The following DGKI variants were observed in gnomAD, a reference collection of about 807,000 sequenced individuals.
DGKI encodes the protein diacylglycerol kinase iota.
In DGKI, 55 loss-of-function variants were observed where a neutral mutation model predicts 147.5. The observed-to-expected ratio is 0.37, with a 90% CI of 0.30 to 0.47. The LOEUF is 0.47. Among genes scored for constraint, DGKI ranks in the 20% least tolerant of loss-of-function variants. The pLI, the probability that DGKI is intolerant of heterozygous loss-of-function variation, is 1.00. For synonymous variants in DGKI, 469 were observed against 477.1 expected (o/e 0.98, Z 0.22); for missense variants, 1,007 against 1,323.8 (o/e 0.76, Z 3.71).
intron 1 of DGKI, among the ~76,000 whole-genome samples, chr7:137,803,762 G>A (rs1797282717): frequency 6.6e-6 from 1 of 152,174 alleles, no homozygotes; most frequent in African/African-American, 2.4e-5. Flanking sequence ...TATTAAGTAA[G>A]TGTGTATCAA....
intron 6 of DGKI, among the ~76,000 whole-genome samples, chr7:137,625,495 T>G (rs1021190827): frequency 1.3e-5 from 2 of 151,154 alleles, no homozygotes; most frequent in Admixed American, 1.3e-4. Context: ...TAAAAAAAAA[T>G]AAAGAAAGGC....
intron 30 of DGKI, among the ~76,000 whole-genome samples, chr7:137,403,587 C>T (rs1811841503): frequency 6.6e-6 from 1 of 152,106 alleles, no homozygotes; most frequent in African/African-American, 2.4e-5. Flanking sequence ...GAAGTGTCAA[C>T]TCAAGAGCCA....
chr7:137,449,277 C>CA (rs1459436855), intron 27 of DGKI, among the ~76,000 whole-genome samples: 1 of 152,032 alleles, frequency 6.6e-6, no homozygotes, highest in Non-Finnish European at 1.5e-5. Context: ...ATGACACTGG[C>CA]ATAAAAACAG....
chr7:137,720,912 G>C (rs1420750322), intron 1 of DGKI, among the ~76,000 whole-genome samples: 2 of 152,136 alleles, frequency 1.3e-5, no homozygotes, highest in Admixed American at 6.5e-5. Flanking sequence ...CTACCCTAGA[G>C]GCAGCCCTGT....
At chr7:137,679,423 C>A (rs182788956) in intron 2 of DGKI, among the ~76,000 whole-genome samples, 29 of 147,222 alleles carry the variant, frequency 2.0e-4, no homozygotes, top group Non-Finnish European at 3.3e-4. Context: ...TTTTTTTAAT[C>A]GTACGATGAA....
intron 21 of DGKI, among the ~76,000 whole-genome samples, chr7:137,503,157 T>C (rs1236933926): frequency 6.6e-6 from 1 of 152,174 alleles, no homozygotes; most frequent in East Asian, 1.9e-4. Context: ...CTCAAGCTTA[T>C]CAAAACTGCT....
At chr7:137,626,139 G>T (rs1409624340) in intron 6 of DGKI, among the ~76,000 whole-genome samples, 1 of 152,082 alleles carries the variant, frequency 6.6e-6, no homozygotes, top group African/African-American at 2.4e-5. Context: ...GCATCCTTGT[G>T]TTGTAATAAA....
At chr7:137,736,870 T>G (rs1278804838) in intron 1 of DGKI, among the ~76,000 whole-genome samples, 4 of 152,078 alleles carry the variant, frequency 2.6e-5, no homozygotes, top group African/African-American at 9.7e-5. Context: ...CAGATCACAG[T>G]AAGAGATAAG....
At chr7:137,524,094 T>G (rs1291167737) in intron 20 of DGKI, among the ~76,000 whole-genome samples, 1 of 146,366 alleles carries the variant, frequency 6.8e-6, no homozygotes, top group Non-Finnish European at 1.5e-5. Flanking sequence ...TCTTTCTTTA[T>G]CAATAAACAA....
intron 20 of DGKI, among the ~76,000 whole-genome samples, chr7:137,545,259 A>C (rs1449319320): frequency 6.6e-6 from 1 of 152,244 alleles, no homozygotes; most frequent in Non-Finnish European, 1.5e-5. Context: ...AGGTAAGCAT[A>C]TGTGATATGG....
rs529291035 is a variant in DGKI, at chr7:137,443,057, C to T, written c.2761+1020G>A. On this transcript the variant is annotated intron_variant, in intron 28 of 32. Coordinates refer to ENST00000614521, the MANE Select transcript of DGKI (RefSeq NM_001321708.2). ...GAGATGGCAGAAAAGATGGTGAGCT[C>T]CAGAAATTTGATGTAGAATTAGATG... 4.1e-4 allele frequency among the ~76,000 whole-genome samples: 62 copies of T among 152,026 alleles called. 1 individual carries two copies. The South Asian group carries it at 0.012, about 31-fold the overall frequency.
intron 30 of DGKI, among the ~76,000 whole-genome samples, chr7:137,402,859 G>C (rs913767671): frequency 1.3e-5 from 2 of 151,952 alleles, no homozygotes; most frequent in African/African-American, 4.8e-5. Flanking sequence ...AAAAAGGGGG[G>C]TTAAAAAAAG....
intron 28 of DGKI, among the ~76,000 whole-genome samples, chr7:137,425,584 G>A (rs887722479): frequency 6.6e-6 from 1 of 152,172 alleles, no homozygotes; most frequent in African/African-American, 2.4e-5. Flanking sequence ...GAAGGCTTCA[G>A]ACGATCAAAT....
At chr7:137,408,537 C>CA (rs758774153) in intron 29 of DGKI, among the ~76,000 whole-genome samples, 40 of 152,172 alleles carry the variant, frequency 2.6e-4, no homozygotes, top group Non-Finnish European at 4.0e-4. Context: ...CACACGCATG[C>CA]ATGCATGCAC....
At chr7:137,703,597 A>G (rs1198233053) in intron 1 of DGKI, among the ~76,000 whole-genome samples, 1 of 152,204 alleles carries the variant, frequency 6.6e-6, no homozygotes, top group Non-Finnish European at 1.5e-5. Context: ...GTATTTAAGA[A>G]AGTATCTGTC....
At chr7:137,534,034 T>G (rs1817434273) in intron 20 of DGKI, among the ~76,000 whole-genome samples, 1 of 152,140 alleles carries the variant, frequency 6.6e-6, no homozygotes, top group Admixed American at 6.6e-5. Flanking sequence ...CAGGGTGTTA[T>G]GAGAGACCAG....
Position 137,663,935 on chromosome 7 carries a change from G to A in DGKI, c.607-7395C>T, listed in dbSNP as rs139961705. Among the ~76,000 whole-genome samples, 1,509 of 152,214 alleles carry A rather than the reference G, an allele frequency of 9.9e-3. 10 individuals are homozygous for A. Among genetic ancestry groups the A allele is most frequent in the Non-Finnish European group, 0.015 (1,041 of 68,002 alleles). ...CCCCACTTAACCCTCAATCAGCCCC[G>A]GTCTGGAGAATTGGTGGCTTAGGAA... is the stretch of plus-strand genomic sequence containing the variant. On this transcript the variant is annotated intron_variant, in intron 3 of 32. Coordinates refer to ENST00000614521, the MANE Select transcript of DGKI (RefSeq NM_001321708.2).
intron 28 of DGKI, among the ~76,000 whole-genome samples, chr7:137,414,852 A>G (rs1285122300): frequency 6.6e-6 from 1 of 152,160 alleles, no homozygotes; most frequent in African/African-American, 2.4e-5. Context: ...AAGTTATTCA[A>G]TCGTTTTGAA....
At chr7:137,401,368 CAA>C (rs1160377714) in intron 30 of DGKI, among the ~76,000 whole-genome samples, 3 of 129,918 alleles carry the variant, frequency 2.3e-5, no homozygotes, top group Non-Finnish European at 3.3e-5. Context: ...CCCAACTCTA[CAA>C]AAAAAAAAAA....
Sources: allele counts gnomAD v4.1 joint callset (sites outside exome capture counted in the v4.1 genomes callset), GRCh38; gene constraint gnomAD v4.1.1; transcripts MANE v1.5; gene names NCBI Gene and HGNC (gene_info 2026-07-23, HGNC 2026-07-21).